The following GRM8 variants were observed in gnomAD, a reference collection of about 807,000 sequenced individuals.
The protein encoded by GRM8 is metabotropic glutamate receptor 8.
GRM8 carries 47 observed loss-of-function variants against 87.2 expected under a neutral mutation model. The observed-to-expected ratio is 0.54, with a 90% CI of 0.43 to 0.69. The LOEUF is 0.69. GRM8 is among the 30% of genes least tolerant of loss of function. The probability of loss-of-function intolerance (pLI) is 0.00; values close to 1 mark genes in which losing one functional copy is unlikely to be tolerated. For synonymous variants in GRM8, 396 were observed against 404.5 expected (o/e 0.98, Z 0.25); for missense variants, 1,019 against 1,139.2 (o/e 0.89, Z 1.52).
chr7:127,214,805 T>TA (rs1434193882), intron 2 of GRM8, among the ~76,000 whole-genome samples: 4 of 152,196 alleles, frequency 2.6e-5, no homozygotes, highest in Non-Finnish European at 5.9e-5. Flanking sequence ...TATCAGATGT[T>TA]AAAACCTTTT....
intron 9 of GRM8, among the ~76,000 whole-genome samples, chr7:126,507,717 C>A (rs1810692428): frequency 2.6e-5 from 4 of 152,058 alleles, no homozygotes; most frequent in Admixed American, 2.0e-4. Context: ...TGAAGGTCCG[C>A]AGCCCAGGGC....
At chr7:126,926,779 C>T (rs1390032429) in intron 3 of GRM8, among the ~76,000 whole-genome samples, 1 of 152,156 alleles carries the variant, frequency 6.6e-6, no homozygotes, top group Non-Finnish European at 1.5e-5. Flanking sequence ...CTGCAAGATG[C>T]CTTTCAAGGG....
chr7:126,493,764 T>G (rs1808335548), intron 9 of GRM8, among the ~76,000 whole-genome samples: 2 of 152,048 alleles, frequency 1.3e-5, no homozygotes, highest in Non-Finnish European at 2.9e-5. Flanking sequence ...AGTTTTCAAC[T>G]ACCAACTCTA....
chr7:126,487,687 C>A (rs1807539652), intron 9 of GRM8, among the ~76,000 whole-genome samples: 1 of 151,944 alleles, frequency 6.6e-6, no homozygotes, highest in Non-Finnish European at 1.5e-5. Flanking sequence ...AACATTCGTA[C>A]ACTGAGCTGA....
At chr7:127,218,515 T>A (rs1245426104) in intron 2 of GRM8, among the ~76,000 whole-genome samples, 1 of 152,190 alleles carries the variant, frequency 6.6e-6, no homozygotes, top group Admixed American at 6.5e-5. Context: ...AAGGTGAGGA[T>A]AATAAGCATT....
intron 7 of GRM8, among the ~76,000 whole-genome samples, chr7:126,662,380 A>C (rs1805276579): frequency 6.6e-6 from 1 of 152,248 alleles, no homozygotes; most frequent in Non-Finnish European, 1.5e-5. Flanking sequence ...AATCAGATGA[A>C]TAGAAGCCAG....
intron 2 of GRM8, among the ~76,000 whole-genome samples, chr7:127,107,070 A>G (rs1418730914): frequency 6.6e-6 from 1 of 152,228 alleles, no homozygotes; most frequent in Non-Finnish European, 1.5e-5. Context: ...AGAAAAATGA[A>G]GGCATATACA....
At chr7:126,730,135 C>A (rs1384077884) in intron 7 of GRM8, among the ~76,000 whole-genome samples, 1 of 152,112 alleles carries the variant, frequency 6.6e-6, no homozygotes, top group Non-Finnish European at 1.5e-5. Context: ...CTATTCAGAT[C>A]AGACTATGAT....
chr7:126,450,279 G>T (rs1044685704), intron 9 of GRM8, among the ~76,000 whole-genome samples: 2 of 151,746 alleles, frequency 1.3e-5, no homozygotes, highest in African/African-American at 4.8e-5. Flanking sequence ...TGGTATTTTT[G>T]CAACCCCTTA....
intron 6 of GRM8, among the ~76,000 whole-genome samples, chr7:126,890,433 A>G (rs1800884142): frequency 6.6e-6 from 1 of 152,082 alleles, no homozygotes. Context: ...ACTATCTCAC[A>G]TATCTACAAG....
At chr7:126,595,045 G>C (rs923117398) in intron 8 of GRM8, among the ~76,000 whole-genome samples, 2 of 151,940 alleles carry the variant, frequency 1.3e-5, no homozygotes, top group African/African-American at 4.8e-5. Flanking sequence ...AAGCAATGCA[G>C]CAACTTGGAT....
chr7:127,223,823 C>T (rs111754212), intron 2 of GRM8, among the ~76,000 whole-genome samples: 1 of 150,386 alleles, frequency 6.6e-6, no homozygotes, highest in Admixed American at 6.6e-5. Context: ...CTACAAAGAA[C>T]TAGCAAAGTA....
chr7:126,576,631 C>T (rs1257191697), intron 8 of GRM8, among the ~76,000 whole-genome samples: 3 of 152,152 alleles, frequency 2.0e-5, no homozygotes, highest in Non-Finnish European at 2.9e-5. Flanking sequence ...AAATCTCTTT[C>T]TTCTGTTAAA....
intron 2 of GRM8, among the ~76,000 whole-genome samples, chr7:127,200,516 G>T (rs1169126856): frequency 1.3e-5 from 2 of 152,170 alleles, no homozygotes; most frequent in African/African-American, 4.8e-5. Flanking sequence ...GGACCTTCTT[G>T]GGTGGCCTAA....
chr7:126,549,645 G>C (rs1792357402), intron 8 of GRM8, among the ~76,000 whole-genome samples: 1 of 152,112 alleles, frequency 6.6e-6, no homozygotes. Context: ...AAACTCTTAT[G>C]ATCACATAAT....
intron 6 of GRM8, 77 bp from the exon 7 acceptor site, chr7:126,770,142 T>C (rs549609553): frequency 2.2e-6 from 2 of 924,650 alleles, no homozygotes; most frequent in African/African-American, 1.7e-5. Flanking sequence ...AAGATTTCCA[T>C]CATTTGAGGA....
At chr7:126,887,045 A>G (rs764000195) in intron 6 of GRM8, among the ~76,000 whole-genome samples, 4 of 152,156 alleles carry the variant, frequency 2.6e-5, no homozygotes, top group Admixed American at 6.6e-5. Context: ...ACTAAGGAAG[A>G]GGTAATCTAT....
chr7:126,807,477 T>C (rs1220435919), intron 6 of GRM8, among the ~76,000 whole-genome samples: 3 of 152,142 alleles, frequency 2.0e-5, no homozygotes, highest in Non-Finnish European at 4.4e-5. Context: ...TAACCCTCGG[T>C]TTGACAAACT....
At chr7:127,195,560 C>T (rs1795236950) in intron 2 of GRM8, among the ~76,000 whole-genome samples, 1 of 152,178 alleles carries the variant, frequency 6.6e-6, no homozygotes, top group South Asian at 2.1e-4. Context: ...ACTTAAAGTA[C>T]TCAATGTGGC....
Sources: gnomAD v4.1 joint callset for allele counts (sites outside exome capture counted in the v4.1 genomes callset) on GRCh38, gnomAD v4.1.1 for gene constraint, MANE v1.5 for transcripts, NCBI Gene and HGNC (gene_info 2026-07-23, HGNC 2026-07-21) for gene names.